The following PDE6C variants were observed in gnomAD, a reference collection of about 807,000 sequenced individuals.
PDE6C encodes phosphodiesterase 6C.
In PDE6C, 75 loss-of-function variants were observed where a neutral mutation model predicts 113.1. That is an observed-to-expected ratio of 0.66 (90% CI 0.55 to 0.80). PDE6C has a LOEUF of 0.80. PDE6C is among the 30% of genes least tolerant of loss of function. The pLI, the probability that PDE6C is intolerant of heterozygous loss-of-function variation, is 0.00. For missense variants in PDE6C, 912 were observed against 1,038.6 expected (o/e 0.88, Z 1.67); for synonymous variants, 375 against 363.7 (o/e 1.03, Z -0.35).
rs1444582962 is a variant in PDE6C, at chr10:93,634,613, G to T, written c.1120-145G>T. 8 of 782,284 alleles carry T rather than the reference G, an allele frequency of 1.0e-5. No individual in the cohort carries two copies. In the African/African-American group the frequency reaches 1.4e-4, roughly 14 times the overall value. The allele number at this position is 782,284 out of a possible 1,614,324, so 48.5% of individuals were successfully genotyped here. Reference sequence around the variant, plus strand: ...AGATGGTAGAAAATGTACTGTAGTTGTCTAACCATCATTACCATTGTGTGA... The same window carrying T: ...AGATGGTAGAAAATGTACTGTAGTTTTCTAACCATCATTACCATTGTGTGA... On this transcript the variant is annotated intron_variant, in intron 8 of 21. Transcript: ENST00000371447.
At chr10:93,616,773 C>A (rs957884542) in intron 1 of PDE6C, among the ~76,000 whole-genome samples, 5 of 151,548 alleles carry the variant, frequency 3.3e-5, no homozygotes, top group African/African-American at 1.2e-4. Flanking sequence ...CCTGCCTCAG[C>A]CTCCCCAGTA....
chr10:93,636,367 T>G (rs200996924), intron 10 of PDE6C, among the ~76,000 whole-genome samples: 41 of 130,370 alleles, frequency 3.1e-4, no homozygotes, highest in African/African-American at 1.2e-3. Context: ...TTTCCCTGGC[T>G]TTGTGTGTGT....
intron 14 of PDE6C, among the ~76,000 whole-genome samples, chr10:93,644,543 C>A (rs921915000): frequency 1.3e-5 from 2 of 151,764 alleles, no homozygotes; most frequent in Non-Finnish European, 2.9e-5. Flanking sequence ...TTTATGATTT[C>A]TTTATGCTGG....
At chr10:93,657,189 G>A (rs2058641948) in intron 16 of PDE6C, among the ~76,000 whole-genome samples, 1 of 151,842 alleles carries the variant, frequency 6.6e-6, no homozygotes, top group Non-Finnish European at 1.5e-5. Context: ...TTGCGACGGA[G>A]TCTCACTCTG....
chr10:93,615,643 A>T (rs2058416490), intron 1 of PDE6C, among the ~76,000 whole-genome samples: 1 of 152,198 alleles, frequency 6.6e-6, no homozygotes, highest in Non-Finnish European at 1.5e-5. Flanking sequence ...CGGACTTTCA[A>T]AGTGCTGGGA....
chr10:93,639,559 G>A (rs1441653746), intron 11 of PDE6C, among the ~76,000 whole-genome samples: 1 of 152,154 alleles, frequency 6.6e-6, no homozygotes, highest in Non-Finnish European at 1.5e-5. Context: ...CATGGGACAG[G>A]ACCTGCAGAT....
intron 18 of PDE6C, among the ~76,000 whole-genome samples, chr10:93,660,374 T>A (rs2058660666): frequency 6.6e-6 from 1 of 152,162 alleles, no homozygotes; most frequent in African/African-American, 2.4e-5. Flanking sequence ...ACAAAGAGGG[T>A]ATGATCTAAT....
At chr10:93,658,169 C>CAAAAAAAAAAAAAAAAAAAAAAAAAA (rs71031527) in intron 16 of PDE6C, among the ~76,000 whole-genome samples, 9 of 59,876 alleles carry the variant, frequency 1.5e-4, no homozygotes, top group Non-Finnish European at 1.9e-4. Flanking sequence ...GATTCTGTCT[C>CAAAAAAAAAAAAAAAAAAAAAAAAAA]AAAAAAAAAA....
rs1488345070 is a variant in PDE6C, at chr10:93,615,366, G to A, written c.480+2161G>A. Among the ~76,000 whole-genome samples, 5 of 152,144 alleles carry A rather than the reference G, an allele frequency of 3.3e-5. No individual in the cohort carries two copies. The East Asian group carries it at 9.6e-4, about 29-fold the overall frequency. On this transcript the variant is annotated intron_variant, in intron 1 of 21. Transcript: ENST00000371447. ...CGGACTCTCAAAGATTAGAATTCAG[G>A]CATTAGTATTTTTATTTTATTATTT...
chr10:93,628,697 C>G (rs1177824941), intron 7 of PDE6C, among the ~76,000 whole-genome samples: 1 of 150,896 alleles, frequency 6.6e-6, no homozygotes, highest in Non-Finnish European at 1.5e-5. Flanking sequence ...GTACAGAAAA[C>G]TTAAAATGAC....
chr10:93,641,019 T>C lies in PDE6C; in HGVS notation c.1837T>C (p.Tyr613His), dbSNP rs1330554080. The stretch of plus-strand genomic sequence containing the variant: ...TGACCACAGAGGCACCAATAATTTG[T>C]ACCAGATGAAGTAAGTGAACACATG... ...DIDHRGTNNLYQMKSTSPLAR... is the reference protein window; with the variant it reads ...DIDHRGTNNLHQMKSTSPLAR... The change falls in exon 14 of 22, where the codon TAC becomes CAC. Residue 613 changes from tyrosine (Y) to histidine (H), a missense_variant. Transcript: ENST00000371447. 1 of 1,593,908 alleles carries C rather than the reference T, an allele frequency of 6.3e-7. No individual in the cohort carries two copies. Among genetic ancestry groups the C allele is most frequent in the Non-Finnish European group, 8.6e-7 (1 of 1,161,658 alleles).
chr10:93,636,616 A>G lies in PDE6C; in HGVS notation c.1414-379A>G, dbSNP rs935889869. Among the ~76,000 whole-genome samples the G allele has an allele frequency of 6.0e-4, 91 of 152,130 alleles. 1 individual carries two copies. The highest frequency in any genetic ancestry group is 9.2e-4 in the Admixed American group (14 of 15,256). ...GCAAACAACCCACACCTCTTTAAAA[A>G]AACCAGCTACTGTAATCATTTTGGG... On this transcript the variant is annotated intron_variant, in intron 10 of 21. Coordinates refer to ENST00000371447, the MANE Select transcript of PDE6C (RefSeq NM_006204.4).
intron 2 of PDE6C, 42 bp downstream of exon 2, chr10:93,620,826 T>C (rs2058442157): frequency 2.5e-6 from 4 of 1,613,746 alleles, no homozygotes; most frequent in Non-Finnish European, 3.4e-6. Flanking sequence ...CTCAGGAAAT[T>C]TATTTGTTGT....
chr10:93,646,735 G>C (rs1030718675), intron 15 of PDE6C, among the ~76,000 whole-genome samples: 2 of 152,110 alleles, frequency 1.3e-5, no homozygotes, highest in African/African-American at 4.8e-5. Flanking sequence ...TGACCAAGGA[G>C]GATGGGGCTA....
At chr10:93,657,328 ATTTTTTTTTTTT>A (rs71031526) in intron 16 of PDE6C, among the ~76,000 whole-genome samples, 15 of 88,286 alleles carry the variant, frequency 1.7e-4, no homozygotes, top group South Asian at 9.3e-4. Flanking sequence ...CGCCTGGCTA[ATTTTTTTTTTTT>A]TTTTTTTTTT....
At chr10:93,625,674 G>T (rs779620671) in intron 5 of PDE6C, 25 bp downstream of exon 5, 11 of 1,510,990 alleles carry the variant, frequency 7.3e-6, no homozygotes, top group Non-Finnish European at 9.2e-6. Context: ...CTTCCTTGAT[G>T]CCATCTGTGC....
At chr10:93,655,241 A>G (rs2058631032) in intron 15 of PDE6C, among the ~76,000 whole-genome samples, 3 of 152,174 alleles carry the variant, frequency 2.0e-5, no homozygotes, top group Non-Finnish European at 4.4e-5. Context: ...TTTTCAGGAT[A>G]ATGTGGAAGG....
chr10:93,661,374 C>T (rs1242081020), intron 18 of PDE6C, among the ~76,000 whole-genome samples: 4 of 152,164 alleles, frequency 2.6e-5, no homozygotes, highest in East Asian at 3.9e-4. Context: ...CTTCACAATA[C>T]AACATAAATG....
intron 14 of PDE6C, among the ~76,000 whole-genome samples, chr10:93,642,405 T>C (rs943027775): frequency 6.6e-6 from 1 of 152,134 alleles, no homozygotes; most frequent in Non-Finnish European, 1.5e-5. Context: ...TTATTATGGT[T>C]ACTATTATTG....
Sources: allele counts gnomAD v4.1 joint callset (sites outside exome capture counted in the v4.1 genomes callset), GRCh38; gene constraint gnomAD v4.1.1; transcripts MANE v1.5; gene names NCBI Gene and HGNC (gene_info 2026-07-23, HGNC 2026-07-21).